The following TRIM44 variants were observed in gnomAD, a reference collection of about 807,000 sequenced individuals.
TRIM44 encodes the protein tripartite motif-containing protein 44.
TRIM44 carries 13 observed loss-of-function variants against 37.4 expected under a neutral mutation model. The ratio of observed to expected loss-of-function variants is 0.35; its 90% CI spans 0.23 to 0.55. The LOEUF (loss-of-function observed/expected upper bound fraction) is 0.55. Ranked by LOEUF, TRIM44 falls within the 20% of genes least tolerant of loss-of-function variation. The pLI is 0.89. For synonymous variants in TRIM44, 175 were observed against 157.2 expected, an observed-to-expected ratio of 1.11 and a Z score of -0.85; for missense variants, 426 against 437.2, an observed-to-expected ratio of 0.97 and a Z score of 0.23.
Position 35,663,292 on chromosome 11 carries a change from G to T in TRIM44, c.181G>T (p.Val61Phe). The change falls in exon 1 of 5, where the codon GTC (valine) becomes TTC (phenylalanine). Residue 61 changes from valine to phenylalanine, a missense_variant. Transcript: ENST00000299413. ...CCTCAGTCACCATCTGGCCGAATACGTCCACGGCTCCCAGGCCTGGACCCC... is the reference window on the plus strand; with the variant it reads ...CCTCAGTCACCATCTGGCCGAATACTTCCACGGCTCCCAGGCCTGGACCCC... ...KFLSHHLAEYVHGSQAWTPPA... is the reference protein window; with the variant it reads ...KFLSHHLAEYFHGSQAWTPPA... 1.2e-6 allele frequency: 2 copies of T among 1,614,088 alleles called. No individual in the cohort carries two copies. Among genetic ancestry groups the T allele is most frequent in the Non-Finnish European group, 1.7e-6 (2 of 1,179,988 alleles).
At chr11:35,756,201 T>C (rs1209800016) in intron 4 of TRIM44, among the ~76,000 whole-genome samples, 1 of 152,208 alleles carries the variant, frequency 6.6e-6, no homozygotes, top group Non-Finnish European at 1.5e-5. Context: ...TTTGTAGTTC[T>C]CCTTGAAGAG....
chr11:35,797,530 T>A (rs1194073520), intron 4 of TRIM44, among the ~76,000 whole-genome samples: 1 of 152,142 alleles, frequency 6.6e-6, no homozygotes, highest in Non-Finnish European at 1.5e-5. Flanking sequence ...AGCCAGGTGG[T>A]CAAGGCCACC....
intron 1 of TRIM44, among the ~76,000 whole-genome samples, chr11:35,668,108 G>T (rs1851351734): frequency 1.3e-5 from 2 of 152,322 alleles, no homozygotes; most frequent in South Asian, 2.1e-4. Flanking sequence ...CCTGGAGAGA[G>T]TGAAGGGGGA....
rs1852171851 is a variant in TRIM44, at chr11:35,726,129, A to G, written c.953A>G (p.Asp318Gly). 3 of 1,614,166 alleles carry G rather than the reference A, an allele frequency of 1.9e-6. No individual in the cohort carries two copies. The highest frequency in any genetic ancestry group is 1.3e-5 in the African/African-American group (1 of 75,066). The stretch of plus-strand genomic sequence containing the variant: ...ATGGCCCAAGCCAAGGAACAACTTG[A>G]TACCTCTAATGAATCAGCTGAGCCA... ...TQMAQAKEQLDTSNESAEPKA... is the reference protein window; with the variant it reads ...TQMAQAKEQLGTSNESAEPKA... Residue 318 changes from aspartate (D) to glycine (G), a missense_variant, in exon 3 of 5, where the codon GAT (aspartate) becomes GGT (glycine). Physicochemically the swap from Asp to Gly is moderately conservative, Grantham distance 94. Transcript: ENST00000299413.
rs1364643103 is a variant in TRIM44 at position 35,663,570 on chromosome 11, G to A, written c.459G>A (p.Ala153=). Residue 153 remains alanine, a synonymous_variant, in exon 1 of 5, where the codon GCG becomes GCA. Transcript: ENST00000299413. Reference sequence around the variant, plus strand: ...ACCAAGAAGAAGGGGAATCCGAGGCGGAGGGAGAAACTGAGGCAGAAAGTG... The same window carrying A: ...ACCAAGAAGAAGGGGAATCCGAGGCAGAGGGAGAAACTGAGGCAGAAAGTG... ...EDNQEEGESE[A]EGETEAESEF... is the part of the protein sequence containing the mutation. 3.7e-6 allele frequency: 6 copies of A among 1,613,842 alleles called. No individual in the cohort carries two copies. The highest frequency in any genetic ancestry group is 2.7e-5 in the African/African-American group (2 of 74,890).
At chr11:35,725,774 AG>A (rs1294375517) in intron 2 of TRIM44, 149 bp from the exon 3 acceptor site, 2 of 741,416 alleles carry the variant, frequency 2.7e-6, no homozygotes, top group East Asian at 2.7e-5. Flanking sequence ...CAATGATATT[AG>A]GGGAACATTG....
Position 35,813,410 on chromosome 11 carries a change from A to G in TRIM44, c.*7025A>G, listed in dbSNP as rs1853548039. On this transcript the variant is annotated 3_prime_UTR_variant, in exon 5 of 5. Coordinates refer to ENST00000299413, the MANE Select transcript of TRIM44 (RefSeq NM_017583.6). ...GAAATAAATACCATGAAGCAAACGC[A>G]TAAGACAAAGGCCATACATCTAGTC... 2 of 152,224 alleles carry G rather than the reference A, an allele frequency of 1.3e-5. No homozygotes were observed. The highest frequency in any genetic ancestry group is 1.3e-4 in the Admixed American group (2 of 15,276). The allele number at this position is 152,224 out of a possible 1,614,324, so 9.4% of individuals were successfully genotyped here. A position where few individuals can be genotyped will look rare whatever the true frequency, so the allele number is the denominator to read the frequency against.
chr11:35,792,705 A>T (rs1301309267), intron 4 of TRIM44, among the ~76,000 whole-genome samples: 1 of 152,188 alleles, frequency 6.6e-6, no homozygotes, highest in Non-Finnish European at 1.5e-5. Context: ...AATGAGAAAC[A>T]AATGCAGCCT....
At position 35,726,276 on chromosome 11, in the gene TRIM44, G is replaced by A. The variant is rs983778855; in HGVS notation, c.987+113G>A. ...GTGAATGAATTGAAGTCTAGGTAGAGTATAAGTGTTTCACATGGTGTATAA... is the reference window on the plus strand; with the variant it reads ...GTGAATGAATTGAAGTCTAGGTAGAATATAAGTGTTTCACATGGTGTATAA... On this transcript the variant is annotated intron_variant, in intron 3 of 4. Coordinates refer to ENST00000299413, the MANE Select transcript of TRIM44 (RefSeq NM_017583.6). The A allele has an allele frequency of 1.8e-5, 25 of 1,377,306 alleles. No individual in the cohort carries two copies. In the African/African-American group the frequency reaches 3.5e-4, roughly 19 times the overall value. The allele number at this position is 1,377,306 out of a possible 1,614,324, so 85.3% of individuals were successfully genotyped here.
intron 4 of TRIM44, among the ~76,000 whole-genome samples, chr11:35,743,184 C>T (rs148485033): frequency 6.6e-6 from 1 of 152,234 alleles, no homozygotes; most frequent in Non-Finnish European, 1.5e-5. Context: ...AACACATGTG[C>T]TGTGCGGGGA....
At chr11:35,678,169 C>CTGTT (rs1269931036) in intron 1 of TRIM44, among the ~76,000 whole-genome samples, 1 of 152,126 alleles carries the variant, frequency 6.6e-6, no homozygotes, top group Admixed American at 6.6e-5. Context: ...TAGTCATAGA[C>CTGTT]TGTTTAAGCA....
At chr11:35,800,513 ACTGATTGGTGCGTTTTTACAGAATG>A (rs1462526312) in intron 4 of TRIM44, among the ~76,000 whole-genome samples, 1 of 152,184 alleles carries the variant, frequency 6.6e-6, no homozygotes, top group African/African-American at 2.4e-5. Context: ...GACACAGAGC[ACTGATTGGTGCGTTTTTACAGAATG>A]CTGATTGGTG....
intron 4 of TRIM44, among the ~76,000 whole-genome samples, chr11:35,772,398 C>T (rs183678420): frequency 4.9e-4 from 74 of 152,266 alleles, no homozygotes; most frequent in African/African-American, 1.5e-3. Context: ...GGTAGATCAC[C>T]GACAGCTTGC....
chr11:35,663,414 G>A lies in TRIM44; in HGVS notation c.303G>A (p.Ser101=), dbSNP rs373825472. 42 of 1,583,936 alleles carry A rather than the reference G, an allele frequency of 2.7e-5. No homozygotes were observed. The highest frequency in any genetic ancestry group is 3.4e-5 in the Non-Finnish European group (39 of 1,163,774). Residue 101 remains serine, a synonymous_variant, in exon 1 of 5, where the codon TCG becomes TCA. Coordinates refer to ENST00000299413, the MANE Select transcript of TRIM44 (RefSeq NM_017583.6). The part of the protein sequence containing the change: ...IESEAGEESE[S]EEESESEEES... ...GCGAGGCAGGGGAAGAGAGTGAGTC[G>A]GAGGAAGAGAGCGAGTCAGAGGAAG...
chr11:35,790,624 T>G (rs1034647555), intron 4 of TRIM44, among the ~76,000 whole-genome samples: 5 of 152,186 alleles, frequency 3.3e-5, no homozygotes, highest in African/African-American at 1.2e-4. Context: ...AGCACTGAAC[T>G]GCAGTACAAG....
intron 4 of TRIM44, among the ~76,000 whole-genome samples, chr11:35,782,533 C>T (rs1437216582): frequency 2.0e-5 from 3 of 152,128 alleles, no homozygotes; most frequent in Non-Finnish European, 2.9e-5. Context: ...TGCCATGTGT[C>T]TCTGAGATTC....
chr11:35,757,596 G>T (rs543420871), intron 4 of TRIM44, among the ~76,000 whole-genome samples: 2 of 152,284 alleles, frequency 1.3e-5, no homozygotes, highest in East Asian at 1.9e-4. Context: ...ATGTTAGGGT[G>T]TCAATTTTGG....
At chr11:35,771,368 T>C (rs184258014) in intron 4 of TRIM44, among the ~76,000 whole-genome samples, 13 of 152,248 alleles carry the variant, frequency 8.5e-5, no homozygotes, top group African/African-American at 3.1e-4. Flanking sequence ...TGATTTAGGG[T>C]ATCTAGTGGA....
intron 4 of TRIM44, among the ~76,000 whole-genome samples, chr11:35,756,640 G>T (rs1346335370): frequency 2.0e-5 from 3 of 152,124 alleles, no homozygotes; most frequent in African/African-American, 7.2e-5. Context: ...TTGGCTGTGG[G>T]TTTGTCATAG....
Sources: gnomAD v4.1 joint callset for allele counts (sites outside exome capture counted in the v4.1 genomes callset) on GRCh38, gnomAD v4.1.1 for gene constraint, MANE v1.5 for transcripts, NCBI Gene and HGNC (gene_info 2026-07-23, HGNC 2026-07-21) for gene names.